The following CDH13 variants were observed in gnomAD, a reference collection of about 807,000 sequenced individuals.
CDH13 encodes cadherin-13.
CDH13 carries 24 observed loss-of-function variants against 63.8 expected under a neutral mutation model. That is an observed-to-expected ratio of 0.38 (90% CI 0.27 to 0.53). CDH13 has a LOEUF of 0.53. CDH13 is among the 20% of genes least tolerant of loss of function. The pLI is 0.85. For synonymous variants in CDH13, 503 were observed against 355.3 expected, an observed-to-expected ratio of 1.42 and a Z score of -4.67; for missense variants, 1,049 against 903.1, an observed-to-expected ratio of 1.16 and a Z score of -2.07.
intron 2 of CDH13, among the ~76,000 whole-genome samples, chr16:82,878,670 G>A (rs79592485): frequency 0.039 from 5,960 of 151,050 alleles, 172 homozygotes; most frequent in Middle Eastern, 0.073. Flanking sequence ...CATGGTTGTT[G>A]GTCCAATGGC....
intron 7 of CDH13, among the ~76,000 whole-genome samples, chr16:83,559,950 G>T (rs563233060): frequency 6.2e-4 from 94 of 152,228 alleles, no homozygotes; most frequent in African/African-American, 2.2e-3. Context: ...CAATATACAT[G>T]TTGGTTATTC....
chr16:83,744,690 C>T (rs754447390), intron 10 of CDH13, among the ~76,000 whole-genome samples: 20 of 152,192 alleles, frequency 1.3e-4, no homozygotes, highest in Non-Finnish European at 2.4e-4. Flanking sequence ...GACTCTGCAA[C>T]GGCTCCCCCG....
chr16:83,574,837 T>C (rs1413315124), intron 7 of CDH13, among the ~76,000 whole-genome samples: 1 of 152,196 alleles, frequency 6.6e-6, no homozygotes, highest in African/African-American at 2.4e-5. Flanking sequence ...GCAATATCCA[T>C]GAACTCCAGT....
intron 1 of CDH13, 73 bp downstream of exon 1, chr16:82,627,210 G>T (rs1907389406): frequency 7.2e-7 from 1 of 1,382,434 alleles, no homozygotes; most frequent in African/African-American, 1.4e-5. Context: ...CGGGCAGGGT[G>T]AGGGGGCTTT....
intron 1 of CDH13, among the ~76,000 whole-genome samples, chr16:82,791,893 C>T (rs940093875): frequency 2.0e-5 from 3 of 152,174 alleles, no homozygotes; most frequent in Non-Finnish European, 4.4e-5. Flanking sequence ...CCAAGATCCC[C>T]AGGTCAGAGA....
At chr16:82,663,925 C>T (rs1912280700) in intron 1 of CDH13, among the ~76,000 whole-genome samples, 1 of 152,202 alleles carries the variant, frequency 6.6e-6, no homozygotes, top group South Asian at 2.1e-4. Flanking sequence ...TACCATGGCG[C>T]ATTCTGCAGC....
At chr16:82,724,626 CTG>C (rs141090395) in intron 1 of CDH13, among the ~76,000 whole-genome samples, 2,357 of 152,282 alleles carry the variant, frequency 0.015, 30 homozygotes, top group Non-Finnish European at 0.022. Context: ...GGAGTTCACA[CTG>C]TATGTGTGTG....
chr16:82,749,163 GAGAGAGAGAGAC>G (rs1302592671), intron 1 of CDH13, among the ~76,000 whole-genome samples: 1 of 152,094 alleles, frequency 6.6e-6, no homozygotes, highest in African/African-American at 2.4e-5. Flanking sequence ...GAGAGAAAGA[GAGAGAGAGAGAC>G]AGAGAGAGAG....
At chr16:83,020,435 A>G (rs1781871949) in intron 2 of CDH13, among the ~76,000 whole-genome samples, 1 of 152,162 alleles carries the variant, frequency 6.6e-6, no homozygotes, top group Non-Finnish European at 1.5e-5. Flanking sequence ...CCCCAAAGCC[A>G]TGTACCCCTC....
At chr16:82,886,636 A>T (rs1322119332) in intron 2 of CDH13, among the ~76,000 whole-genome samples, 1 of 151,958 alleles carries the variant, frequency 6.6e-6, no homozygotes, top group Non-Finnish European at 1.5e-5. Flanking sequence ...CTAATGAGAA[A>T]GTTTTGGAAT....
intron 6 of CDH13, among the ~76,000 whole-genome samples, chr16:83,389,018 A>G (rs1230322968): frequency 6.6e-6 from 1 of 152,168 alleles, no homozygotes; most frequent in Admixed American, 6.5e-5. Flanking sequence ...CCCTAAAACC[A>G]GTCAGAGCCG....
chr16:82,793,403 C>T (rs1243193300), intron 1 of CDH13, among the ~76,000 whole-genome samples: 4 of 151,994 alleles, frequency 2.6e-5, no homozygotes, highest in Non-Finnish European at 4.4e-5. Flanking sequence ...CACTCCACCC[C>T]TCCTGTCCAA....
At position 83,660,965 on chromosome 16, in the gene CDH13, T is replaced by A. The variant is rs147845481; in HGVS notation, c.1102-9825T>A. ...GTAGGCATATTTGCTCTTTGGTTTT[T>A]ATTTTTCTGTCACCATCTAATGTAA... On this transcript the variant is annotated intron_variant, in intron 8 of 13. Coordinates refer to ENST00000567109, the MANE Select transcript of CDH13 (RefSeq NM_001257.5). 3.4e-3 allele frequency among the ~76,000 whole-genome samples: 511 copies of A among 152,266 alleles called. 7 individuals carry two copies. The highest frequency in any genetic ancestry group is 0.012 in the African/African-American group (492 of 41,558).
chr16:82,866,600 G>C (rs2040155256), intron 2 of CDH13, among the ~76,000 whole-genome samples: 1 of 151,764 alleles, frequency 6.6e-6, no homozygotes, highest in African/African-American at 2.4e-5. Flanking sequence ...ATGCTGGCCA[G>C]ACTGGTCTCG....
intron 4 of CDH13, among the ~76,000 whole-genome samples, chr16:83,145,418 A>C (rs993629845): frequency 2.0e-5 from 3 of 152,226 alleles, no homozygotes; most frequent in Admixed American, 6.5e-5. Context: ...GGGCTTTTAA[A>C]CAAAGTTACC....
chr16:83,355,073 G>T (rs1408954584), intron 6 of CDH13, among the ~76,000 whole-genome samples: 1 of 152,144 alleles, frequency 6.6e-6, no homozygotes, highest in Admixed American at 6.5e-5. Context: ...GGAAGCCCTT[G>T]GGTGGTTTTA....
intron 5 of CDH13, among the ~76,000 whole-genome samples, chr16:83,281,762 AC>A (rs898788558): frequency 2.0e-5 from 3 of 151,460 alleles, no homozygotes; most frequent in African/African-American, 4.8e-5. Context: ...AAAAAAAAAA[AC>A]GTAGCCAAGC....
At chr16:83,401,633 T>A (rs1331206456) in intron 6 of CDH13, among the ~76,000 whole-genome samples, 2 of 152,026 alleles carry the variant, frequency 1.3e-5, no homozygotes, top group Non-Finnish European at 2.9e-5. Context: ...GAAGTGTATA[T>A]ACCAGTAATA....
intron 10 of CDH13, among the ~76,000 whole-genome samples, chr16:83,726,663 G>C (rs1041336501): frequency 2.0e-5 from 3 of 152,092 alleles, no homozygotes; most frequent in Non-Finnish European, 4.4e-5. Context: ...GTGAAACCCC[G>C]TCTCTACTAA....
Sources: allele counts gnomAD v4.1 joint callset (sites outside exome capture counted in the v4.1 genomes callset), GRCh38; gene constraint gnomAD v4.1.1; transcripts MANE v1.5; gene names NCBI Gene and HGNC (gene_info 2026-07-23, HGNC 2026-07-21).